Variants in MIS18A observed in about 807,000 individuals in gnomAD.
MIS18A encodes protein Mis18-alpha.
In MIS18A, 14 loss-of-function variants were observed where a neutral mutation model predicts 25.0. The ratio of observed to expected loss-of-function variants is 0.56; its 90% CI spans 0.37 to 0.88. The LOEUF (loss-of-function observed/expected upper bound fraction) is 0.88, where lower values mean the gene tolerates loss of function less well. Ranked by LOEUF, MIS18A falls within the 40% of genes least tolerant of loss-of-function variation. The probability of loss-of-function intolerance (pLI) is 0.00; values close to 1 mark genes in which losing one functional copy is unlikely to be tolerated. For missense variants in MIS18A, 292 were observed against 290.8 expected (o/e 1.00, Z -0.03); for synonymous variants, 134 against 118.6 (o/e 1.13, Z -0.84).
At chr21:32,168,416 T>C in the MIS18A span, among the ~76,000 whole-genome samples, 3 of 152,350 alleles carry the variant, frequency 2.0e-5, no homozygotes, top group East Asian at 1.9e-4. Context: ...GTTTTTCTAA[T>C]GTCTACCAGG....
At chr21:32,178,274 T>C in the MIS18A span, among the ~76,000 whole-genome samples, 1 of 152,126 alleles carries the variant, frequency 6.6e-6, no homozygotes, top group African/African-American at 2.4e-5. Context: ...AAAATTTACA[T>C]GGAAATGCAG....
At chr21:32,249,765 A>T in the MIS18A span, among the ~76,000 whole-genome samples, 3 of 152,134 alleles carry the variant, frequency 2.0e-5, no homozygotes, top group African/African-American at 7.2e-5. Flanking sequence ...CAGTGAACTA[A>T]TAGAGCTGAA....
At chr21:32,231,131 G>T in the MIS18A span, among the ~76,000 whole-genome samples, 1 of 151,806 alleles carries the variant, frequency 6.6e-6, no homozygotes, top group African/African-American at 2.4e-5. Flanking sequence ...CAGCTACTCG[G>T]GAGGCTGAGG....
the MIS18A span, among the ~76,000 whole-genome samples, chr21:32,233,891 A>G: frequency 1.3e-5 from 2 of 152,110 alleles, no homozygotes; most frequent in Non-Finnish European, 2.9e-5. Flanking sequence ...TATTCTACAA[A>G]CACCTCACCA....
At chr21:32,155,038 T>C in the MIS18A span, among the ~76,000 whole-genome samples, 5 of 151,766 alleles carry the variant, frequency 3.3e-5, no homozygotes, top group African/African-American at 1.2e-4. Flanking sequence ...TCTGAAAAAT[T>C]AAAAATATAT....
At chr21:32,222,488 C>T in the MIS18A span, among the ~76,000 whole-genome samples, 1 of 152,322 alleles carries the variant, frequency 6.6e-6, no homozygotes, top group East Asian at 1.9e-4. Context: ...ACAGAATATA[C>T]ATTGATCTCA....
chr21:32,231,014 C>G, the MIS18A span, among the ~76,000 whole-genome samples: 2 of 151,796 alleles, frequency 1.3e-5, no homozygotes, highest in African/African-American at 2.4e-5. Context: ...GTGGGCAGAC[C>G]ACTTGAGGCC....
At chr21:32,238,358 T>G in the MIS18A span, among the ~76,000 whole-genome samples, 3 of 152,134 alleles carry the variant, frequency 2.0e-5, no homozygotes, top group African/African-American at 7.2e-5. Context: ...GTCCAAGAAG[T>G]CTCTCAGGGA....
chr21:32,240,503 A>G, the MIS18A span, among the ~76,000 whole-genome samples: 1 of 152,174 alleles, frequency 6.6e-6, no homozygotes, highest in Non-Finnish European at 1.5e-5. Context: ...TAAGCCACCC[A>G]GTTGGTGGTA....
At chr21:32,168,326 G>A in the MIS18A span, among the ~76,000 whole-genome samples, 1 of 152,088 alleles carries the variant, frequency 6.6e-6, no homozygotes, top group African/African-American at 2.4e-5. Flanking sequence ...CATCTTCAAA[G>A]TACTAAAAGA....
At chr21:32,206,928 A>T in the MIS18A span, among the ~76,000 whole-genome samples, 1 of 152,104 alleles carries the variant, frequency 6.6e-6, no homozygotes, top group Non-Finnish European at 1.5e-5. Flanking sequence ...CAGAGGCTCT[A>T]CCCGTTCAGT....
chr21:32,204,712 CCCTGTCTCTATCA>C, the MIS18A span, among the ~76,000 whole-genome samples: 2 of 151,728 alleles, frequency 1.3e-5, no homozygotes, highest in Admixed American at 6.6e-5. Context: ...CATGGTGAAA[CCCTGTCTCTATCA>C]AAAATACAAA....
the MIS18A span, among the ~76,000 whole-genome samples, chr21:32,178,508 C>G: frequency 6.6e-6 from 1 of 152,186 alleles, no homozygotes; most frequent in African/African-American, 2.4e-5. Flanking sequence ...TAAACTATCT[C>G]AAGCTAGCTC....
chr21:32,202,255 T>A, the MIS18A span, among the ~76,000 whole-genome samples: 1 of 150,918 alleles, frequency 6.6e-6, no homozygotes, highest in South Asian at 2.1e-4. Context: ...GCCACTGAAC[T>A]CCAACCTGGG....
the MIS18A span, among the ~76,000 whole-genome samples, chr21:32,174,318 G>A: frequency 6.6e-6 from 1 of 152,076 alleles, no homozygotes; most frequent in African/African-American, 2.4e-5. Context: ...CTGCTTATAA[G>A]ATGCTCTGTA....
chr21:32,215,484 G>A, the MIS18A span, among the ~76,000 whole-genome samples: 3 of 152,094 alleles, frequency 2.0e-5, no homozygotes, highest in Non-Finnish European at 4.4e-5. Context: ...GTAGGAACGC[G>A]AGGTAAGTGC....
the MIS18A span, among the ~76,000 whole-genome samples, chr21:32,231,551 G>C: frequency 1.3e-5 from 2 of 152,304 alleles, no homozygotes; most frequent in African/African-American, 2.4e-5. Flanking sequence ...TGTTGGCAAG[G>C]ATGTGGAGAA....
the MIS18A span, among the ~76,000 whole-genome samples, chr21:32,178,318 AG>A: frequency 6.6e-6 from 1 of 152,228 alleles, no homozygotes; most frequent in African/African-American, 2.4e-5. Flanking sequence ...TTTTCATAGA[AG>A]AAATTAGACA....
the MIS18A span, among the ~76,000 whole-genome samples, chr21:32,242,204 A>C: frequency 6.6e-6 from 1 of 152,214 alleles, no homozygotes; most frequent in Admixed American, 6.5e-5. Flanking sequence ...CAGCAGCAAG[A>C]AGCAGCCTGA....
Sources: allele counts gnomAD v4.1 joint callset (sites outside exome capture counted in the v4.1 genomes callset), GRCh38; gene constraint gnomAD v4.1.1; transcripts MANE v1.5; gene names NCBI Gene and HGNC (gene_info 2026-07-23, HGNC 2026-07-21).